The following ARHGEF3 variants were observed in gnomAD, a reference collection of about 807,000 sequenced individuals.
The protein encoded by ARHGEF3 is 59.8 kDA protein.
A neutral mutation model predicts 63.2 loss-of-function variants in ARHGEF3; 28 were observed. That is an observed-to-expected ratio of 0.44 (90% CI 0.33 to 0.61). The LOEUF (loss-of-function observed/expected upper bound fraction) is 0.61. Among genes scored for constraint, ARHGEF3 ranks in the 20% least tolerant of loss-of-function variants. The pLI is 0.03. For synonymous variants in ARHGEF3, 266 were observed against 254.2 expected, an observed-to-expected ratio of 1.05 and a Z score of -0.44; for missense variants, 533 against 659.3, an observed-to-expected ratio of 0.81 and a Z score of 2.10.
intron 3 of ARHGEF3, among the ~76,000 whole-genome samples, chr3:56,894,352 G>T (rs932351801): frequency 1.3e-5 from 2 of 152,178 alleles, no homozygotes; most frequent in African/African-American, 4.8e-5. Flanking sequence ...ATTGTTGAAT[G>T]AATGAAACTA....
At chr3:57,066,954 A>G (rs1705572109) in intron 1 of ARHGEF3, among the ~76,000 whole-genome samples, 1 of 152,070 alleles carries the variant, frequency 6.6e-6, no homozygotes, top group Non-Finnish European at 1.5e-5. Flanking sequence ...CTAAAAATCA[A>G]CCTCTCAATA....
intron 2 of ARHGEF3, among the ~76,000 whole-genome samples, chr3:57,016,326 G>A (rs1702999547): frequency 1.3e-5 from 2 of 151,560 alleles, no homozygotes; most frequent in African/African-American, 4.9e-5. Flanking sequence ...GGAGGATCAT[G>A]AGGTCAGGGG....
At chr3:56,818,909 A>G (rs1322781502) in intron 4 of ARHGEF3, among the ~76,000 whole-genome samples, 1 of 152,244 alleles carries the variant, frequency 6.6e-6, no homozygotes, top group East Asian at 1.9e-4. Flanking sequence ...GAGAGAGGAA[A>G]GAAGGTAACG....
chr3:56,883,023 T>C (rs555378770), intron 3 of ARHGEF3, among the ~76,000 whole-genome samples: 39 of 152,306 alleles, frequency 2.6e-4, no homozygotes, highest in African/African-American at 8.4e-4. Flanking sequence ...GGAGATTAGA[T>C]TGGAAAGAAA....
rs546046056 is a variant in ARHGEF3, at chr3:57,047,989, A to G, written c.-27-12813T>C. On this transcript the variant is annotated intron_variant, in intron 1 of 12. Coordinates refer to the ARHGEF3 transcript ENST00000338458. ...GGCATGTGGATCTCCAGAGGCAGTA[A>G]AGCTCAGCCACAGTCACAGAGAAAG... Among the ~76,000 whole-genome samples the G allele has an allele frequency of 6.4e-4, 97 of 152,212 alleles. 3 individuals are homozygous for G. In the South Asian group the frequency reaches 0.019, roughly 29 times the overall value.
chr3:56,757,104 G>A (rs745419970), intron 2 of ARHGEF3, among the ~76,000 whole-genome samples: 5 of 152,176 alleles, frequency 3.3e-5, no homozygotes, highest in Admixed American at 6.5e-5. Flanking sequence ...CAGTTATTTT[G>A]AGATTCAACA....
chr3:57,055,189 T>C (rs1704867337), intron 1 of ARHGEF3, among the ~76,000 whole-genome samples: 1 of 142,716 alleles, frequency 7.0e-6, no homozygotes, highest in South Asian at 2.1e-4. Context: ...TGAGACGAAG[T>C]CCAACTCTGT....
intron 4 of ARHGEF3, among the ~76,000 whole-genome samples, chr3:56,827,379 T>C (rs191966258): frequency 6.6e-6 from 1 of 152,236 alleles, no homozygotes. Context: ...GCAGGGTGTT[T>C]ATGAGTTAAG....
At chr3:56,775,340 A>C in intron 1 of ARHGEF3, 1 of 1,151,104 alleles carries the variant, frequency 8.7e-7, no homozygotes. Flanking sequence ...TTTGAAATAG[A>C]CTGTCTCCAA....
chr3:56,995,419 C>T (rs1701931221), intron 2 of ARHGEF3, among the ~76,000 whole-genome samples: 1 of 152,070 alleles, frequency 6.6e-6, no homozygotes, highest in Admixed American at 6.6e-5. Flanking sequence ...AGACAGAATT[C>T]ATTTTAACTT....
intron 2 of ARHGEF3, among the ~76,000 whole-genome samples, chr3:56,987,253 A>G (rs1701578946): frequency 6.6e-6 from 1 of 152,206 alleles, no homozygotes; most frequent in African/African-American, 2.4e-5. Context: ...CCAACGCCTC[A>G]TTATAGTCCA....
chr3:56,997,359 G>T (rs2106995989), intron 2 of ARHGEF3, among the ~76,000 whole-genome samples: 1 of 152,276 alleles, frequency 6.6e-6, no homozygotes, highest in East Asian at 1.9e-4. Flanking sequence ...GGTCACTTCT[G>T]CCCAGTCCAT....
At chr3:56,964,467 G>C (rs11720618) in intron 2 of ARHGEF3, among the ~76,000 whole-genome samples, 21,505 of 151,778 alleles carry the variant, frequency 0.14, 1,673 homozygotes, top group East Asian at 0.25. Flanking sequence ...CCCTTAAAGA[G>C]AGCCCTCACC....
chr3:56,840,293 G>A (rs575077309), intron 4 of ARHGEF3, among the ~76,000 whole-genome samples: 1 of 152,232 alleles, frequency 6.6e-6, no homozygotes, highest in South Asian at 2.1e-4. Flanking sequence ...GCATCCAATG[G>A]TGTATTTACT....
intron 2 of ARHGEF3, among the ~76,000 whole-genome samples, chr3:56,976,420 T>A (rs1050424156): frequency 1.3e-5 from 2 of 152,196 alleles, no homozygotes; most frequent in Non-Finnish European, 2.9e-5. Context: ...CTAGTTTCTA[T>A]CAAACAGGTA....
intron 4 of ARHGEF3, among the ~76,000 whole-genome samples, chr3:56,840,059 T>C (rs2039259711): frequency 6.6e-6 from 1 of 152,148 alleles, no homozygotes; most frequent in African/African-American, 2.4e-5. Flanking sequence ...AAATGGAGGA[T>C]CAGACGGAGC....
upstream of ARHGEF3, chr3:56,802,064 C>T: frequency 1.6e-6 from 2 of 1,278,226 alleles, no homozygotes; most frequent in Non-Finnish European, 2.0e-6. Flanking sequence ...CGTGCCGCAG[C>T]GCGGACACCT....
intron 1 of ARHGEF3, chr3:56,775,514 G>C (rs1006181484): frequency 1.0e-6 from 1 of 992,064 alleles, no homozygotes; most frequent in East Asian, 1.1e-4. Context: ...GCTTCTTAGC[G>C]TGCTAAGCTG....
At chr3:57,032,915 G>A (rs1579131290) in intron 2 of ARHGEF3, among the ~76,000 whole-genome samples, 1 of 152,130 alleles carries the variant, frequency 6.6e-6, no homozygotes, top group Non-Finnish European at 1.5e-5. Flanking sequence ...ATGCCCTGGG[G>A]CCCTGGGACT....
Sources: allele counts gnomAD v4.1 joint callset (sites outside exome capture counted in the v4.1 genomes callset), GRCh38; gene constraint gnomAD v4.1.1; transcripts MANE v1.5; gene names NCBI Gene and HGNC (gene_info 2026-07-23, HGNC 2026-07-21).